The following ERC1 variants were observed in gnomAD, a reference collection of about 807,000 sequenced individuals.
ERC1 encodes ELKS/RAB6-interacting/CAST family member 1.
A neutral mutation model predicts 132.0 loss-of-function variants in ERC1; 56 were observed. The observed-to-expected ratio is 0.42, with a 90% CI of 0.34 to 0.53. The LOEUF is 0.53. ERC1 is among the 20% of genes least tolerant of loss of function. The pLI, the probability that ERC1 is intolerant of heterozygous loss-of-function variation, is 0.03. For synonymous variants in ERC1, 478 were observed against 476.1 expected (o/e 1.00, Z -0.05); for missense variants, 1,202 against 1,349.9 (o/e 0.89, Z 1.72).
intron 11 of ERC1, among the ~76,000 whole-genome samples, chr12:1,187,185 CT>C (rs1359872950): frequency 6.6e-6 from 1 of 151,930 alleles, no homozygotes; most frequent in Non-Finnish European, 1.5e-5. Context: ...AAAAATATGC[CT>C]TTTTTTGAGT....
chr12:1,205,381 A>G lies in ERC1; in HGVS notation c.2351+15329A>G, dbSNP rs201203826. On this transcript the variant is annotated intron_variant, in intron 12 of 18. Transcript: ENST00000360905. ...CGATTATATATATGTGTGTGTGTGT[A>G]TATATATATATATATCTGTGTGTGT... is the stretch of plus-strand genomic sequence containing the variant. Among the ~76,000 whole-genome samples the G allele has an allele frequency of 2.8e-3, 400 of 144,902 alleles. 10 individuals carry two copies. The East Asian group carries it at 0.047, about 17-fold the overall frequency.
chr12:1,451,880 G>A (rs1173798196), intron 18 of ERC1, among the ~76,000 whole-genome samples: 1 of 152,028 alleles, frequency 6.6e-6, no homozygotes, highest in African/African-American at 2.4e-5. Flanking sequence ...TTAAAATGAG[G>A]CCATTAGGGT....
chr12:1,321,878 T>A (rs2082136754), intron 15 of ERC1, among the ~76,000 whole-genome samples: 2 of 152,224 alleles, frequency 1.3e-5, no homozygotes, highest in South Asian at 4.1e-4. Flanking sequence ...TTGAAAGGAA[T>A]GATTATAAGA....
In ERC1 at chr12:1,444,606, A is replaced by T; in HGVS notation, c.3069A>T (p.Leu1023Phe). The T allele has an allele frequency of 6.2e-7, 1 of 1,613,946 alleles. No homozygotes were observed. Among genetic ancestry groups the T allele is most frequent in the Non-Finnish European group, 8.5e-7 (1 of 1,179,892 alleles). ...AACTTGACCAAAATAGAAGTAAATT[A>T]AAGTTGTACATTGGACACCTGACAA... ...LLELDQNRSK[L>F]KLYIGHLTTL... Residue 1023 changes from leucine to phenylalanine, a missense_variant, in exon 18 of 19, where the codon TTA (leucine) becomes TTT (phenylalanine). By Grantham distance (22) the Leu-to-Phe change is conservative. Coordinates refer to ENST00000360905, the MANE Select transcript of ERC1 (RefSeq NM_178040.4).
chr12:1,029,476 A>C (rs900778209), intron 2 of ERC1, among the ~76,000 whole-genome samples: 1 of 152,208 alleles, frequency 6.6e-6, no homozygotes, highest in African/African-American at 2.4e-5. Flanking sequence ...GTAATTCTTT[A>C]CATTTAAGGT....
chr12:1,468,852 G>C (rs1438329852), intron 18 of ERC1, among the ~76,000 whole-genome samples: 2 of 152,146 alleles, frequency 1.3e-5, no homozygotes, highest in African/African-American at 4.8e-5. Flanking sequence ...AAAGCTAAGT[G>C]GCAGAGTTAG....
At position 1,116,164 on chromosome 12, in the gene ERC1, G is replaced by C. The variant is rs1565998631; in HGVS notation, c.1569+131G>C. ...GTTATGATTAATTCTTCAGCAGCGTGATCAGTCACTGTGCTAAAATGTAAC... is the reference window on the plus strand; with the variant it reads ...GTTATGATTAATTCTTCAGCAGCGTCATCAGTCACTGTGCTAAAATGTAAC... On this transcript the variant is annotated intron_variant, in intron 7 of 18. Coordinates refer to ENST00000360905, the MANE Select transcript of ERC1 (RefSeq NM_178040.4). 3 of 750,252 alleles carry C rather than the reference G, an allele frequency of 4.0e-6. No individual in the cohort carries two copies. The South Asian group carries it at 7.2e-5, about 18-fold the overall frequency. 46.5% of individuals were successfully genotyped at this position (750,252 alleles called of 1,614,324 possible). A position where few individuals can be genotyped will look rare whatever the true frequency, so the allele number is the denominator to read the frequency against.
chr12:1,246,656 A>G (rs951967510), intron 13 of ERC1, among the ~76,000 whole-genome samples: 8 of 152,226 alleles, frequency 5.3e-5, no homozygotes, highest in African/African-American at 1.4e-4. Flanking sequence ...ACACCTTAAC[A>G]AAGTGTTTAG....
chr12:1,255,621 C>CTTTTGTTTT (rs1566399460), intron 13 of ERC1, among the ~76,000 whole-genome samples: 19 of 61,558 alleles, frequency 3.1e-4, no homozygotes, highest in African/African-American at 1.0e-3. Context: ...GCTTCCTGGC[C>CTTTTGTTTT]TTTTTTTTTT....
At chr12:1,076,504 C>T (rs560592780) in intron 2 of ERC1, among the ~76,000 whole-genome samples, 35 of 151,450 alleles carry the variant, frequency 2.3e-4, no homozygotes, top group African/African-American at 8.5e-4. Context: ...TAGCAATTCT[C>T]CTGCCTCAGC....
chr12:1,462,684 A>C (rs1191634307), intron 18 of ERC1, among the ~76,000 whole-genome samples: 1 of 152,186 alleles, frequency 6.6e-6, no homozygotes, highest in Non-Finnish European at 1.5e-5. Context: ...TGACTGAAAG[A>C]GGATAAAACA....
chr12:1,215,168 C>T (rs1210700598), intron 12 of ERC1, among the ~76,000 whole-genome samples: 2 of 152,190 alleles, frequency 1.3e-5, no homozygotes, highest in African/African-American at 4.8e-5. Context: ...TTATGGATAT[C>T]ATCTCATTGT....
intron 8 of ERC1, among the ~76,000 whole-genome samples, chr12:1,146,228 G>T (rs1593693555): frequency 6.8e-6 from 1 of 147,056 alleles, no homozygotes; most frequent in East Asian, 2.0e-4. Context: ...CCATTTGTTT[G>T]TGTCATCTGT....
intron 2 of ERC1, among the ~76,000 whole-genome samples, chr12:1,068,162 C>T (rs1317084390): frequency 6.6e-6 from 1 of 152,012 alleles, no homozygotes; most frequent in East Asian, 1.9e-4. Flanking sequence ...GAACTCCTGA[C>T]TTTGTGATCT....
intron 15 of ERC1, among the ~76,000 whole-genome samples, chr12:1,367,328 T>G (rs1400178774): frequency 6.6e-6 from 1 of 152,220 alleles, no homozygotes; most frequent in Admixed American, 6.5e-5. Flanking sequence ...TTTAATCTGG[T>G]ATTTTTCCAG....
intron 12 of ERC1, among the ~76,000 whole-genome samples, chr12:1,205,130 T>C (rs993967396): frequency 3.3e-5 from 5 of 152,176 alleles, no homozygotes; most frequent in African/African-American, 1.2e-4. Context: ...TATTTTGATT[T>C]TTTAGTTGAA....
chr12:1,395,525 C>G (rs746250262), intron 16 of ERC1, among the ~76,000 whole-genome samples: 1 of 151,736 alleles, frequency 6.6e-6, no homozygotes, highest in Non-Finnish European at 1.5e-5. Context: ...AAAGTCTGCA[C>G]AGCATATGGG....
chr12:1,006,396 G>A (rs997814780), intron 1 of ERC1, among the ~76,000 whole-genome samples: 34 of 152,164 alleles, frequency 2.2e-4, no homozygotes, highest in African/African-American at 7.9e-4. Context: ...AGCATGCCTG[G>A]CAAATTTTTT....
At chr12:1,383,217 C>T (rs562412695) in intron 16 of ERC1, among the ~76,000 whole-genome samples, 1 of 152,294 alleles carries the variant, frequency 6.6e-6, no homozygotes, top group Non-Finnish European at 1.5e-5. Flanking sequence ...GTTTCCTGCC[C>T]ATACGCTGGT....
Sources: allele counts gnomAD v4.1 joint callset (sites outside exome capture counted in the v4.1 genomes callset), GRCh38; gene constraint gnomAD v4.1.1; transcripts MANE v1.5; gene names NCBI Gene and HGNC (gene_info 2026-07-23, HGNC 2026-07-21).